The following SVOP variants were observed in gnomAD, a reference collection of about 807,000 sequenced individuals.
SVOP encodes the protein synaptic vesicle 2-related protein.
Under a neutral mutation model 69.1 loss-of-function variants are expected in SVOP, and 17 were observed. The ratio of observed to expected loss-of-function variants is 0.25; its 90% CI spans 0.17 to 0.37. The LOEUF (loss-of-function observed/expected upper bound fraction) is 0.37, where lower values mean the gene tolerates loss of function less well. SVOP is among the 10% of genes least tolerant of loss of function. The pLI, the probability that SVOP is intolerant of heterozygous loss-of-function variation, is 1.00. For synonymous variants in SVOP, 238 were observed against 238.6 expected (o/e 1.00, Z 0.02); for missense variants, 435 against 597.5 (o/e 0.73, Z 2.84).
At chr12:108,997,300 G>A (rs1230409951) in intron 1 of SVOP, among the ~76,000 whole-genome samples, 4 of 151,672 alleles carry the variant, frequency 2.6e-5, no homozygotes, top group African/African-American at 7.3e-5. Flanking sequence ...CACCTGGCTC[G>A]GAGGGTCCTA....
chr12:108,980,030 G>A (rs1379099996), intron 2 of SVOP, among the ~76,000 whole-genome samples: 1 of 152,136 alleles, frequency 6.6e-6, no homozygotes, highest in Non-Finnish European at 1.5e-5. Context: ...TTAAAAAGTA[G>A]CTGTGAGTTG....
At chr12:108,920,990 C>T (rs1050875054) in intron 12 of SVOP, among the ~76,000 whole-genome samples, 1 of 152,174 alleles carries the variant, frequency 6.6e-6, no homozygotes, top group Non-Finnish European at 1.5e-5. Context: ...CACAGTTATT[C>T]AGTCAATGAG....
In SVOP at chr12:108,945,111, G is replaced by A. The variant is rs2039914981; in HGVS notation, c.634C>T (p.Leu212=). Residue 212 remains leucine (L), a synonymous_variant, in exon 7 of 16, where the codon CTG becomes TTG. Coordinates refer to ENST00000610966, the MANE Select transcript of SVOP (RefSeq NM_018711.5). ...PMKARAKCIL[L]IEVFWAIGTV... Reference sequence around the variant, plus strand: ...GCCGCTCTCCTCCTTACCTCAATCAGCAAAATACATTTAGCTCTGGCTTTC... The same window carrying A: ...GCCGCTCTCCTCCTTACCTCAATCAACAAAATACATTTAGCTCTGGCTTTC... The A allele has an allele frequency of 6.5e-7, 1 of 1,536,942 alleles. No individual in the cohort carries two copies. Among genetic ancestry groups the A allele is most frequent in the Non-Finnish European group, 8.7e-7 (1 of 1,146,776 alleles).
intron 1 of SVOP, among the ~76,000 whole-genome samples, chr12:109,010,740 G>T (rs1452120621): frequency 1.3e-5 from 2 of 152,080 alleles, no homozygotes; most frequent in Non-Finnish European, 1.5e-5. Context: ...TGAGCTAAGC[G>T]ATTCTCCTGC....
At chr12:108,943,469 G>A (rs2039904398) in intron 7 of SVOP, among the ~76,000 whole-genome samples, 1 of 151,722 alleles carries the variant, frequency 6.6e-6, no homozygotes, top group Non-Finnish European at 1.5e-5. Context: ...CGTGGTGGTG[G>A]GCACCTGTAA....
intron 5 of SVOP, among the ~76,000 whole-genome samples, chr12:108,972,168 G>A (rs1027173093): frequency 6.6e-6 from 1 of 151,554 alleles, no homozygotes; most frequent in African/African-American, 2.4e-5. Context: ...TTCTGGTCCA[G>A]GGGATATGAA....
chr12:108,977,339 C>T (rs138446028), intron 4 of SVOP, 59 bp downstream of exon 4: 2 of 1,514,426 alleles, frequency 1.3e-6, no homozygotes, highest in African/African-American at 2.7e-5. Context: ...AGATATCCCA[C>T]AGGACACCCC....
chr12:108,957,029 G>A (rs1038446379), intron 6 of SVOP, among the ~76,000 whole-genome samples: 8 of 152,024 alleles, frequency 5.3e-5, no homozygotes, highest in Admixed American at 2.0e-4. Context: ...GTAAGAGTAG[G>A]CTTCACTGTC....
chr12:108,942,295 G>A (rs765256278), intron 7 of SVOP, among the ~76,000 whole-genome samples: 11 of 152,144 alleles, frequency 7.2e-5, no homozygotes, highest in Admixed American at 2.0e-4. Context: ...TGAATAACAC[G>A]GCTATAAACG....
chr12:108,944,186 T>C (rs1297154207), intron 7 of SVOP, among the ~76,000 whole-genome samples: 3 of 151,908 alleles, frequency 2.0e-5, no homozygotes, highest in East Asian at 1.9e-4. Context: ...GGCCTTTTTT[T>C]TTTTTTTAAT....
At position 108,908,532 on chromosome 12, in the gene SVOP, GCC is replaced by G. The variant is rs539713185; in HGVS notation, c.*4001_*4002del. 3.3e-5 allele frequency: 5 copies of G among 151,986 alleles called. No individual in the cohort carries two copies. Among genetic ancestry groups the G allele is most frequent in the South Asian group, 2.1e-4 (1 of 4,802 alleles). 9.4% of individuals were successfully genotyped at this position (151,986 alleles called of 1,614,324 possible). A position where few individuals can be genotyped will look rare whatever the true frequency, so the allele number is the denominator to read the frequency against. ...CAACATCAGCTGGAAGGGAGTTGCA[GCC>G]CCCCCCTGCAGACAGGGCTGGTGTT... is the stretch of plus-strand genomic sequence containing the variant. On this transcript the variant is annotated 3_prime_UTR_variant, in exon 16 of 16. Coordinates refer to ENST00000610966, the MANE Select transcript of SVOP (RefSeq NM_018711.5).
chr12:108,959,515 G>A (rs1040911248), intron 6 of SVOP, among the ~76,000 whole-genome samples: 4 of 151,974 alleles, frequency 2.6e-5, no homozygotes, highest in East Asian at 1.9e-4. Flanking sequence ...CACCAAGCCC[G>A]GAAAATTTTT....
chr12:109,008,110 C>T (rs377661060), intron 1 of SVOP, among the ~76,000 whole-genome samples: 2 of 151,532 alleles, frequency 1.3e-5, no homozygotes, highest in East Asian at 3.9e-4. Flanking sequence ...TTCCAGGTCT[C>T]CTAGATAATA....
chr12:108,999,930 A>G (rs1392725122), intron 1 of SVOP, among the ~76,000 whole-genome samples: 2 of 152,014 alleles, frequency 1.3e-5, no homozygotes, highest in Non-Finnish European at 2.9e-5. Context: ...AACACATTCA[A>G]AAGCTAGCAG....
chr12:109,005,893 T>A (rs936822123), intron 1 of SVOP, among the ~76,000 whole-genome samples: 1 of 151,774 alleles, frequency 6.6e-6, no homozygotes, highest in Non-Finnish European at 1.5e-5. Flanking sequence ...GAGGTCACAG[T>A]GAGGATTTTC....
chr12:108,961,213 G>A (rs1322098104), intron 5 of SVOP, among the ~76,000 whole-genome samples, 166 bp from the exon 6 acceptor site: 2 of 152,124 alleles, frequency 1.3e-5, no homozygotes, highest in Non-Finnish European at 2.9e-5. Flanking sequence ...CAGGGGTTGG[G>A]TGAGAAAATC....
At position 108,922,822 on chromosome 12, in the gene SVOP, G is replaced by C. The variant is rs189843022; in HGVS notation, c.1049-25C>G. On this transcript the variant is annotated intron_variant, in intron 11 of 15. Coordinates refer to ENST00000610966, the MANE Select transcript of SVOP (RefSeq NM_018711.5). ...ACTGGGGTTGGGAGAGAGAAAGAGA[G>C]GGGGAGACATATACAGAGTCTTGAA... The C allele has an allele frequency of 2.2e-5, 34 of 1,521,786 alleles. 1 individual carries two copies. Among genetic ancestry groups the C allele is most frequent in the Admixed American group, 5.5e-5 (3 of 54,074 alleles). 94.3% of individuals were successfully genotyped at this position (1,521,786 alleles called of 1,614,324 possible). A position where few individuals can be genotyped will look rare whatever the true frequency, so the allele number is the denominator to read the frequency against.
chr12:108,950,221 C>T (rs1043589626), intron 6 of SVOP, among the ~76,000 whole-genome samples: 3 of 151,704 alleles, frequency 2.0e-5, no homozygotes, highest in Admixed American at 2.0e-4. Flanking sequence ...CACCAACATG[C>T]CCAGCTAATT....
intron 3 of SVOP, 106 bp from the exon 4 acceptor site, chr12:108,977,602 T>A: frequency 1.4e-6 from 1 of 708,546 alleles, no homozygotes; most frequent in Non-Finnish European, 2.4e-6. Flanking sequence ...CACCCCTCTC[T>A]ACCCATTGCC....
Sources: gnomAD v4.1 joint callset for allele counts (sites outside exome capture counted in the v4.1 genomes callset) on GRCh38, gnomAD v4.1.1 for gene constraint, MANE v1.5 for transcripts, NCBI Gene and HGNC (gene_info 2026-07-23, HGNC 2026-07-21) for gene names.